Variants in GPATCH1 observed in about 807,000 individuals in gnomAD.
GPATCH1 encodes the protein G-patch domain containing 1.
GPATCH1 carries 73 observed loss-of-function variants against 114.9 expected under a neutral mutation model. That is an observed-to-expected ratio of 0.64 (90% CI 0.53 to 0.77). The LOEUF is 0.77. Ranked by LOEUF, GPATCH1 falls within the 30% of genes least tolerant of loss-of-function variation. The pLI, the probability that GPATCH1 is intolerant of heterozygous loss-of-function variation, is 0.00. For synonymous variants in GPATCH1, 391 were observed against 428.4 expected (o/e 0.91, Z 1.08); for missense variants, 1,058 against 1,144.3 (o/e 0.92, Z 1.09).
chr19:33,109,806 C>G lies in GPATCH1; in HGVS notation c.1375C>G (p.Gln459Glu). 3 of 1,613,012 alleles carry G rather than the reference C, an allele frequency of 1.9e-6. No individual in the cohort carries two copies. The highest frequency in any genetic ancestry group is 2.5e-6 in the Non-Finnish European group (3 of 1,179,396). The change falls in exon 11 of 20, where the codon CAG becomes GAG. Residue 459 changes from glutamine to glutamate, a missense_variant. This residue lies in a region of GPATCH1 where 893 missense variants were observed against 977.4 expected (regional missense o/e 0.91). Coordinates refer to ENST00000170564, the MANE Select transcript of GPATCH1 (RefSeq NM_018025.3). Reference protein sequence around the residue: ...MKQATDLKAAQLKARSLAQNA... With the variant: ...MKQATDLKAAELKARSLAQNA... ...GCAGGCAACTGACCTGAAAGCAGCT[C>G]AGCTCAAGGCCAGGAGTCTGGCCCA... is the stretch of plus-strand genomic sequence containing the variant.
chr19:33,097,852 G>C lies in GPATCH1; in HGVS notation c.950G>C (p.Gly317Ala). ...ACTGTTCTGAAGGACGAGGAGCCTGGAGACGGACTCTATGGCTGGACAGCA... is the reference window on the plus strand; with the variant it reads ...ACTGTTCTGAAGGACGAGGAGCCTGCAGACGGACTCTATGGCTGGACAGCA... ...YDTVLKDEEP[G>A]DGLYGWTAPR... is the part of the protein sequence containing the mutation. The change falls in exon 8 of 20, where the codon GGA becomes GCA. Residue 317 changes from glycine (G) to alanine (A), a missense_variant. By Grantham distance (60) the Gly-to-Ala change is moderately conservative (BLOSUM62 0). Coordinates refer to ENST00000170564, the MANE Select transcript of GPATCH1 (RefSeq NM_018025.3). 1 of 1,614,088 alleles carries C rather than the reference G, an allele frequency of 6.2e-7. No homozygotes were observed. Among genetic ancestry groups the C allele is most frequent in the Non-Finnish European group, 8.5e-7 (1 of 1,179,964 alleles).
chr19:33,115,932 T>TACCAC (rs952371094), intron 15 of GPATCH1, among the ~76,000 whole-genome samples: 5 of 152,248 alleles, frequency 3.3e-5, no homozygotes, highest in Non-Finnish European at 7.3e-5. Flanking sequence ...TTCTGTTTAT[T>TACCAC]ACCACTCTTT....
rs1247321363 is a variant in GPATCH1, at chr19:33,113,803, C to T, written c.1929C>T (p.Asp643=). 1 of 1,613,356 alleles carries T rather than the reference C, an allele frequency of 6.2e-7. No individual in the cohort carries two copies. The highest frequency in any genetic ancestry group is 2.2e-5 in the East Asian group (1 of 44,868). Residue 643 remains aspartate, a synonymous_variant, in exon 14 of 20, where the codon GAC becomes GAT. Coordinates refer to ENST00000170564, the MANE Select transcript of GPATCH1 (RefSeq NM_018025.3). ...TLVGLPRVKR[D]KYSVFNFLTL... ...TTGGCTTACCAAGAGTGAAGCGTGA[C>T]AAGTACTCAGTCTTCAACTTTCTGA...
intron 17 of GPATCH1, among the ~76,000 whole-genome samples, chr19:33,122,929 T>G (rs1234276039): frequency 6.6e-6 from 1 of 151,442 alleles, no homozygotes; most frequent in Admixed American, 6.6e-5. Flanking sequence ...AAAATTAGCC[T>G]GGTGTGGTGG....
Position 33,109,996 on chromosome 19 carries a change from A to G in GPATCH1, c.1565A>G (p.His522Arg), listed in dbSNP as rs752664539. Residue 522 changes from histidine (H) to arginine (R), a missense_variant, in exon 11 of 20, where the codon CAC becomes CGC. His to Arg is a conservative substitution (Grantham distance 29). Transcript: ENST00000170564. ...KQKRYDEFLV[H>R]MKQGQKDALE... ...AAGCGATACGACGAGTTCTTAGTAC[A>G]CATGAAACAGGGTCAGAAAGGTGGG... is the stretch of plus-strand genomic sequence containing the variant. 17 of 1,609,654 alleles carry G rather than the reference A, an allele frequency of 1.1e-5. No homozygotes were observed. The African/African-American group carries it at 2.1e-4, about 20-fold the overall frequency.
At chr19:33,095,198 G>A (rs1277697865) in intron 5 of GPATCH1, among the ~76,000 whole-genome samples, 2 of 150,750 alleles carry the variant, frequency 1.3e-5, no homozygotes, top group Admixed American at 6.6e-5. Flanking sequence ...TCCTCTCACC[G>A]TAATGCTGTA....
chr19:33,109,961 G>A lies in GPATCH1; in HGVS notation c.1530G>A (p.Pro510=), dbSNP rs147746670. The A allele has an allele frequency of 2.8e-5, 45 of 1,614,004 alleles. No homozygotes were observed. Among genetic ancestry groups the A allele is most frequent in the East Asian group, 2.2e-4 (10 of 44,884 alleles). ...ACTTCAAGCCTTTCGCCAAAGATCC[G>A]GAAAAGCAAAAGCGATACGACGAGT... The part of the protein sequence containing the change: ...ASNFKPFAKD[P]EKQKRYDEFL... Residue 510 remains proline (P), a synonymous_variant, in exon 11 of 20, where the codon CCG becomes CCA. Transcript: ENST00000170564.
intron 8 of GPATCH1, chr19:33,100,385 C>T (rs1181489319): frequency 6.6e-6 from 1 of 151,720 alleles, no homozygotes; most frequent in African/African-American, 2.4e-5. Context: ...GTCAGGAGAT[C>T]GAGACCATCC....
intron 13 of GPATCH1, 100 bp from the exon 14 acceptor site, chr19:33,113,667 G>A (rs1028017559): frequency 4.2e-6 from 4 of 962,548 alleles, no homozygotes; most frequent in African/African-American, 3.3e-5. Flanking sequence ...AGACTTTTTA[G>A]TCATGCAGAA....
At chr19:33,119,659 T>C (rs1458509701) in intron 17 of GPATCH1, among the ~76,000 whole-genome samples, 4 of 150,488 alleles carry the variant, frequency 2.7e-5, no homozygotes, top group Non-Finnish European at 4.4e-5. Context: ...TATTGCACCA[T>C]TGCACTCCAG....
chr19:33,114,349 C>T lies in GPATCH1; in HGVS notation c.2126C>T (p.Pro709Leu), dbSNP rs568865081. 2 of 1,613,370 alleles carry T rather than the reference C, an allele frequency of 1.2e-6. No homozygotes were observed. The highest frequency in any genetic ancestry group is 2.2e-5 in the East Asian group (1 of 44,876). Residue 709 changes from proline (P) to leucine (L), a missense_variant, in exon 15 of 20, where the codon CCA (proline) becomes CTA (leucine). Physicochemically the swap from Pro to Leu is moderately conservative, Grantham distance 98 (BLOSUM62 -3). Coordinates refer to ENST00000170564, the MANE Select transcript of GPATCH1 (RefSeq NM_018025.3). ...FLSLARSKAE[P>L]PKQQSSPLVN... ...AGTTTGGCTAGATCAAAAGCCGAGC[C>T]ACCTAAACAACAGTCCAGCCCCTTA...
intron 8 of GPATCH1, among the ~76,000 whole-genome samples, chr19:33,101,216 A>G (rs1051750147): frequency 1.3e-5 from 2 of 152,144 alleles, no homozygotes; most frequent in Admixed American, 6.5e-5. Context: ...TACTTCTTCT[A>G]AAAATCACGT....
At chr19:33,094,825 G>C (rs1194129923) in intron 5 of GPATCH1, among the ~76,000 whole-genome samples, 1 of 152,144 alleles carries the variant, frequency 6.6e-6, no homozygotes, top group Non-Finnish European at 1.5e-5. Context: ...GGCAGTATTG[G>C]TTACTCATTG....
chr19:33,121,960 G>A (rs1972989427), intron 17 of GPATCH1, among the ~76,000 whole-genome samples: 1 of 152,188 alleles, frequency 6.6e-6, no homozygotes, highest in African/African-American at 2.4e-5. Context: ...AAAGTATGAA[G>A]TTTTGACAAA....
At chr19:33,081,867 G>C (rs1053584151) in intron 1 of GPATCH1, among the ~76,000 whole-genome samples, 1 of 148,570 alleles carries the variant, frequency 6.7e-6, no homozygotes, top group African/African-American at 2.5e-5. Flanking sequence ...AAATTACACA[G>C]GGAGGGATAT....
At chr19:33,122,022 A>C (rs548626995) in intron 17 of GPATCH1, among the ~76,000 whole-genome samples, 5 of 152,008 alleles carry the variant, frequency 3.3e-5, no homozygotes, top group African/African-American at 1.2e-4. Flanking sequence ...CTTTTGTTTT[A>C]TTTTGTTTTG....
In GPATCH1 at chr19:33,117,586, G is replaced by A. The variant is rs559272358; in HGVS notation, c.2197-239G>A. ...TGGAATTACAGGGGTGAGCCACCAC[G>A]CCTGGCCCGGTTTTGCTTCTTTGAC... On this transcript the variant is annotated intron_variant, in intron 15 of 19. Coordinates refer to ENST00000170564, the MANE Select transcript of GPATCH1 (RefSeq NM_018025.3). 9.9e-5 allele frequency among the ~76,000 whole-genome samples: 15 copies of A among 152,184 alleles called. No individual in the cohort carries two copies. The South Asian group carries it at 3.1e-3, about 32-fold the overall frequency.
chr19:33,096,393 G>T lies in GPATCH1; in HGVS notation c.799G>T (p.Asp267Tyr), dbSNP rs370145106. Residue 267 changes from aspartate to tyrosine, a missense_variant, in exon 7 of 20, where the codon GAT becomes TAT. This residue lies in a region of GPATCH1 where 893 missense variants were observed against 977.4 expected (regional missense o/e 0.91). Transcript: ENST00000170564. The part of the protein sequence containing the change: ...LFSGGSERAG[D>Y]LGEIGLNKGR... Reference sequence around the variant, plus strand: ...CAGTGGTGGTTCTGAGAGAGCTGGCGATCTTGGAGAAATTGGACTGAATAA... The same window carrying T: ...CAGTGGTGGTTCTGAGAGAGCTGGCTATCTTGGAGAAATTGGACTGAATAA... 2 of 1,613,708 alleles carry T rather than the reference G, an allele frequency of 1.2e-6. No homozygotes were observed. The highest frequency in any genetic ancestry group is 2.7e-5 in the African/African-American group (2 of 74,908).
rs114252380 is a variant in GPATCH1, at chr19:33,094,407, C to T, written c.553+138C>T. 1.9e-3 allele frequency: 1,100 copies of T among 591,750 alleles called. 2 individuals carry two copies. Among genetic ancestry groups the T allele is most frequent in the African/African-American group, 0.018 (952 of 53,970 alleles). The allele number at this position is 591,750 out of a possible 1,614,324, so 36.7% of individuals were successfully genotyped here. A position where few individuals can be genotyped will look rare whatever the true frequency, so the allele number is the denominator to read the frequency against. The stretch of plus-strand genomic sequence containing the variant: ...CATACTGCAGCCTTGACCTCCCGGG[C>T]TCAAGTGATCCTTCCACGTTAGCCC... On this transcript the variant is annotated intron_variant, in intron 5 of 19. Coordinates refer to ENST00000170564, the MANE Select transcript of GPATCH1 (RefSeq NM_018025.3).
Sources: allele counts gnomAD v4.1 joint callset (sites outside exome capture counted in the v4.1 genomes callset), GRCh38; gene constraint gnomAD v4.1.1; regional missense constraint gnomAD v4.1.1; transcripts MANE v1.5; gene names NCBI Gene and HGNC (gene_info 2026-07-23, HGNC 2026-07-21).